Variants in RAB3C observed in about 807,000 individuals in gnomAD.
The protein encoded by RAB3C is ras-related protein Rab-3C.
In RAB3C, 17 loss-of-function variants were observed where a neutral mutation model predicts 26.4. The observed-to-expected ratio is 0.64, with a 90% CI of 0.44 to 0.97. The LOEUF (loss-of-function observed/expected upper bound fraction) is 0.97. Among genes scored for constraint, RAB3C ranks in the 50% least tolerant of loss-of-function variants. The probability of loss-of-function intolerance (pLI) is 0.00; values close to 1 mark genes in which losing one functional copy is unlikely to be tolerated. For synonymous variants in RAB3C, 91 were observed against 95.9 expected (o/e 0.95, Z 0.30); for missense variants, 242 against 281.9 (o/e 0.86, Z 1.01).
intron 4 of RAB3C, among the ~76,000 whole-genome samples, chr5:58,840,827 G>A (rs1412100838): frequency 6.6e-6 from 1 of 152,110 alleles, no homozygotes; most frequent in East Asian, 1.9e-4. Flanking sequence ...TCAGGTTGGA[G>A]GCATATATAT....
At chr5:58,846,212 C>A (rs1183771073) in intron 4 of RAB3C, among the ~76,000 whole-genome samples, 2 of 152,000 alleles carry the variant, frequency 1.3e-5, no homozygotes, top group East Asian at 3.9e-4. Context: ...TTAGTTCTAC[C>A]TTTTGGCTAT....
intron 4 of RAB3C, among the ~76,000 whole-genome samples, chr5:58,840,992 G>A (rs139279158): frequency 1.2e-4 from 19 of 152,344 alleles, no homozygotes; most frequent in African/African-American, 4.6e-4. Flanking sequence ...ACATGCAGGT[G>A]CAAGGCTCTT....
intron 3 of RAB3C, among the ~76,000 whole-genome samples, chr5:58,735,926 C>T (rs983827212): frequency 6.6e-6 from 1 of 152,148 alleles, no homozygotes; most frequent in Admixed American, 6.5e-5. Context: ...AGAGCTTTCC[C>T]AATCTCCAGC....
At chr5:58,647,900 A>G (rs1275286239) in intron 2 of RAB3C, among the ~76,000 whole-genome samples, 2 of 152,224 alleles carry the variant, frequency 1.3e-5, no homozygotes, top group African/African-American at 4.8e-5. Flanking sequence ...TCTCTTTACA[A>G]CAACTGTTTG....
At chr5:58,753,039 A>T (rs1355361063) in intron 3 of RAB3C, among the ~76,000 whole-genome samples, 2 of 152,172 alleles carry the variant, frequency 1.3e-5, no homozygotes, top group East Asian at 3.9e-4. Context: ...CTACATTGCT[A>T]TCAGAAAAAT....
At chr5:58,609,822 C>T (rs1232897674) in intron 1 of RAB3C, among the ~76,000 whole-genome samples, 1 of 152,024 alleles carries the variant, frequency 6.6e-6, no homozygotes, top group Non-Finnish European at 1.5e-5. Context: ...TTTTCCGGGC[C>T]CCTTTACTTC....
chr5:58,667,569 G>A (rs994390461), intron 2 of RAB3C, among the ~76,000 whole-genome samples: 1 of 152,118 alleles, frequency 6.6e-6, no homozygotes, highest in Non-Finnish European at 1.5e-5. Context: ...AGCTGCTTTT[G>A]TGTGCCTGTT....
intron 3 of RAB3C, among the ~76,000 whole-genome samples, chr5:58,795,663 A>T (rs1321315643): frequency 6.6e-6 from 1 of 152,076 alleles, no homozygotes; most frequent in East Asian, 1.9e-4. Context: ...GTATAACTTT[A>T]TCTGTCTCAC....
At position 58,687,010 on chromosome 5, in the gene RAB3C, A is replaced by T. The variant is rs544894677; in HGVS notation, c.253-38992A>T. Among the ~76,000 whole-genome samples, 7 of 152,264 alleles carry T rather than the reference A, an allele frequency of 4.6e-5. No individual in the cohort carries two copies. In the East Asian group the frequency reaches 1.4e-3, roughly 29 times the overall value. ...CATTTTAAAACCTCAAAGTCATTTC[A>T]CTCGGTGACCTAGAGCTCAAGGACT... is the stretch of plus-strand genomic sequence containing the variant. On this transcript the variant is annotated intron_variant, in intron 2 of 4. Transcript: ENST00000282878.
Position 58,772,994 on chromosome 5 carries a change from C to T in RAB3C, c.371+46874C>T, listed in dbSNP as rs544505653. On this transcript the variant is annotated intron_variant, in intron 3 of 4. Transcript: ENST00000282878. ...CAGGCATTTTATGCTTTTCATGCAT[C>T]GTCTGACCAACCTGACCTAGAAGCC... 1.9e-4 allele frequency among the ~76,000 whole-genome samples: 29 copies of T among 152,216 alleles called. 1 individual carries two copies. The highest frequency in any genetic ancestry group is 1.2e-3 in the South Asian group (6 of 4,820).
chr5:58,640,785 A>G (rs1036932609), intron 2 of RAB3C, among the ~76,000 whole-genome samples: 1 of 152,194 alleles, frequency 6.6e-6, no homozygotes, highest in Non-Finnish European at 1.5e-5. Flanking sequence ...CACACTTAAC[A>G]TCATTTTATA....
intron 3 of RAB3C, among the ~76,000 whole-genome samples, chr5:58,772,265 C>A (rs1286446060): frequency 2.6e-5 from 4 of 152,128 alleles, no homozygotes; most frequent in African/African-American, 4.8e-5. Flanking sequence ...AAGGGACTGA[C>A]AGGACCAATG....
chr5:58,603,324 G>C (rs1746496408), intron 1 of RAB3C, among the ~76,000 whole-genome samples: 1 of 152,070 alleles, frequency 6.6e-6, no homozygotes, highest in African/African-American at 2.4e-5. Context: ...CATTTCCCAG[G>C]TGTTCCTTGC....
At chr5:58,710,516 C>T (rs13159296) in intron 2 of RAB3C, among the ~76,000 whole-genome samples, 4,482 of 151,748 alleles carry the variant, frequency 0.03, 123 homozygotes, top group Non-Finnish European at 0.043. Flanking sequence ...GGAGAATTGC[C>T]TGAGTCTGGG....
chr5:58,742,445 C>A (rs1741296163), intron 3 of RAB3C, among the ~76,000 whole-genome samples: 1 of 152,050 alleles, frequency 6.6e-6, no homozygotes, highest in Admixed American at 6.5e-5. Flanking sequence ...AGCTTTAGGC[C>A]CTCTCTGAAT....
chr5:58,807,038 C>T (rs569070315), intron 3 of RAB3C, among the ~76,000 whole-genome samples: 4 of 152,256 alleles, frequency 2.6e-5, no homozygotes, highest in South Asian at 2.1e-4. Context: ...TTCTAAGCAA[C>T]CAGAATCGCC....
chr5:58,842,912 T>A (rs568426884), intron 4 of RAB3C, among the ~76,000 whole-genome samples: 2 of 152,278 alleles, frequency 1.3e-5, no homozygotes, highest in African/African-American at 4.8e-5. Flanking sequence ...GGATAAGAAA[T>A]CCCAAGAACT....
intron 3 of RAB3C, among the ~76,000 whole-genome samples, chr5:58,752,912 T>C (rs1321418903): frequency 6.6e-6 from 1 of 152,146 alleles, no homozygotes; most frequent in Non-Finnish European, 1.5e-5. Flanking sequence ...TTGTAATGAA[T>C]TAGGCTTATG....
At chr5:58,696,914 CTA>C (rs1286704753) in intron 2 of RAB3C, among the ~76,000 whole-genome samples, 1 of 152,098 alleles carries the variant, frequency 6.6e-6, no homozygotes, top group Non-Finnish European at 1.5e-5. Flanking sequence ...TTTTGTGTCT[CTA>C]TCTCTTTCAG....
Sources: gnomAD v4.1 joint callset for allele counts (sites outside exome capture counted in the v4.1 genomes callset) on GRCh38, gnomAD v4.1.1 for gene constraint, MANE v1.5 for transcripts, NCBI Gene and HGNC (gene_info 2026-07-23, HGNC 2026-07-21) for gene names.